Variants in S100A2 observed in about 807,000 individuals in gnomAD.
The protein encoded by S100A2 is protein S100-A2.
A neutral mutation model predicts 4.3 loss-of-function variants in S100A2; 5 were observed. That is an observed-to-expected ratio of 1.16 (90% CI 0.61 to 2.44). The LOEUF is 2.44. Ranked by LOEUF, S100A2 falls within the 30% of genes most tolerant of loss-of-function variation. The probability of loss-of-function intolerance (pLI) is 0.01; values close to 1 mark genes in which losing one functional copy is unlikely to be tolerated. For synonymous variants in S100A2, 44 were observed against 46.0 expected (o/e 0.96, Z 0.17); for missense variants, 103 against 114.7 (o/e 0.90, Z 0.47).
chr1:153,561,582 C>G lies in S100A2; in HGVS notation c.154G>C (p.Asp52His). The G allele has an allele frequency of 6.2e-7, 1 of 1,614,162 alleles. No individual in the cohort carries two copies. Among genetic ancestry groups the G allele is most frequent in the Non-Finnish European group, 8.5e-7 (1 of 1,180,024 alleles). Reference sequence around the variant, plus strand: ...ATCAGCTTCTTCAGCCCCTCCTCATCCACTTTCTCCTGAAAGTGACAGGAA... The same window carrying G: ...ATCAGCTTCTTCAGCCCCTCCTCATGCACTTTCTCCTGAAAGTGACAGGAA... ...ELPSFVGEKV[D>H]EEGLKKLMGS... Residue 52 changes from aspartate to histidine, a missense_variant, in exon 3 of 3, where the codon GAT (aspartate) becomes CAT (histidine). Coordinates refer to ENST00000368708, the MANE Select transcript of S100A2 (RefSeq NM_005978.4).
intron 1 of S100A2, 80 bp from the exon 2 acceptor site, chr1:153,563,967 A>C: frequency 6.9e-7 from 1 of 1,443,296 alleles, no homozygotes; most frequent in Non-Finnish European, 9.3e-7. Context: ...CTTCTGCCCT[A>C]TGCCCCCAAG....
At chr1:153,564,377 G>A (rs538907304) in intron 1 of S100A2, 1 of 152,798 alleles carries the variant, frequency 6.5e-6, no homozygotes, top group African/African-American at 2.4e-5. Context: ...CCTGAAGCCA[G>A]AGGCATCTCT....
At chr1:153,563,986 C>T in intron 1 of S100A2, 99 bp from the exon 2 acceptor site, 1 of 1,237,888 alleles carries the variant, frequency 8.1e-7, no homozygotes, top group Non-Finnish European at 1.1e-6. Flanking sequence ...AGCCACCTCA[C>T]AAAACCCCTC....
chr1:153,561,251 C>T lies in S100A2; in HGVS notation c.*188G>A. ...GGAGAGATTTCCAGGAGAGTCAGAGCCCAGAAGGGAGCAGGATCCAGGAGG... is the reference window on the plus strand; with the variant it reads ...GGAGAGATTTCCAGGAGAGTCAGAGTCCAGAAGGGAGCAGGATCCAGGAGG... On this transcript the variant is annotated 3_prime_UTR_variant, in exon 3 of 3. Coordinates refer to ENST00000368708, the MANE Select transcript of S100A2 (RefSeq NM_005978.4). The T allele has an allele frequency of 1.6e-6, 1 of 616,708 alleles. No homozygotes were observed. The highest frequency in any genetic ancestry group is 1.9e-5 in the African/African-American group (1 of 53,380). 38.2% of individuals were successfully genotyped at this position (616,708 alleles called of 1,614,324 possible).
chr1:153,561,344 A>G lies in S100A2; in HGVS notation c.*95T>C. 2.1e-6 allele frequency: 3 copies of G among 1,441,842 alleles called. No individual in the cohort carries two copies. Among genetic ancestry groups the G allele is most frequent in the Non-Finnish European group, 2.8e-6 (3 of 1,056,668 alleles). 89.3% of individuals were successfully genotyped at this position (1,441,842 alleles called of 1,614,324 possible). ...AACATCACTGAGCAATTAAAATATT[A>G]TCAACAGACAAAAAAAGTTTATTGA... On this transcript the variant is annotated 3_prime_UTR_variant, in exon 3 of 3. Coordinates refer to ENST00000368708, the MANE Select transcript of S100A2 (RefSeq NM_005978.4).
Position 153,563,790 on chromosome 1 carries a change from G to A in S100A2, c.88C>T (p.Leu30=). The A allele has an allele frequency of 6.2e-7, 1 of 1,614,206 alleles. No homozygotes were observed. The highest frequency in any genetic ancestry group is 1.7e-5 in the Admixed American group (1 of 60,022). Residue 30 remains leucine (L), a synonymous_variant, in exon 2 of 3, where the codon CTG becomes TTG. Transcript: ENST00000368708. The part of the protein sequence containing the change: ...YSCQEGDKFK[L]SKGEMKELLH... ...AGTTCCTTCATTTCCCCCTTACTCA[G>A]CTTGAACTTGTCGCCCTCTTGGCAG...
At chr1:153,561,948 G>A (rs1006833224) in intron 2 of S100A2, among the ~76,000 whole-genome samples, 2 of 152,226 alleles carry the variant, frequency 1.3e-5, no homozygotes, top group African/African-American at 2.4e-5. Flanking sequence ...CACCAGCCAG[G>A]TAGATTCAGA....
At chr1:153,565,256 G>C (rs187881077) in intron 1 of S100A2, among the ~76,000 whole-genome samples, 2 of 143,756 alleles carry the variant, frequency 1.4e-5, no homozygotes, top group Non-Finnish European at 3.0e-5. Context: ...AGTTTGCAGT[G>C]AGCTGAGATC....
At chr1:153,562,612 C>T (rs901005108) in intron 2 of S100A2, among the ~76,000 whole-genome samples, 2 of 152,164 alleles carry the variant, frequency 1.3e-5, no homozygotes, top group African/African-American at 2.4e-5. Context: ...AATTGAAGGT[C>T]GATGCATTTC....
At position 153,561,507 on chromosome 1, in the gene S100A2, C is replaced by G. The variant is rs1665893993; in HGVS notation, c.229G>C (p.Ala77Pro). Residue 77 changes from alanine (A) to proline (P), a missense_variant, in exon 3 of 3, where the codon GCT (alanine) becomes CCT (proline). Transcript: ENST00000368708. ...SDQQVDFQEY[A>P]VFLALITVMC... The stretch of plus-strand genomic sequence containing the variant: ...ACAGTGATGAGTGCCAGGAAAACAG[C>G]ATACTCCTGGAAGTCCACCTGCTGG... The G allele has an allele frequency of 1.2e-6, 2 of 1,614,184 alleles. No individual in the cohort carries two copies. Among genetic ancestry groups the G allele is most frequent in the Non-Finnish European group, 8.5e-7 (1 of 1,180,026 alleles).
At chr1:153,562,146 A>G (rs1379539261) in intron 2 of S100A2, among the ~76,000 whole-genome samples, 1 of 152,050 alleles carries the variant, frequency 6.6e-6, no homozygotes, top group Non-Finnish European at 1.5e-5. Flanking sequence ...TTTTTAGTAG[A>G]GACAAGGCCT....
chr1:153,562,508 A>T (rs1001574057), intron 2 of S100A2, among the ~76,000 whole-genome samples: 1 of 152,164 alleles, frequency 6.6e-6, no homozygotes. Context: ...AAACAAAATT[A>T]AAAAAAGGAA....
chr1:153,561,572 C>T lies in S100A2; in HGVS notation c.164G>A (p.Gly55Glu), dbSNP rs1208378423. The change falls in exon 3 of 3, where the codon GGG becomes GAG. Residue 55 changes from glycine (G) to glutamate (E), a missense_variant. Transcript: ENST00000368708. ...CAGGCTGCCCATCAGCTTCTTCAGCCCCTCCTCATCCACTTTCTCCTGAAA... is the reference window on the plus strand; with the variant it reads ...CAGGCTGCCCATCAGCTTCTTCAGCTCCTCCTCATCCACTTTCTCCTGAAA... ...SFVGEKVDEE[G>E]LKKLMGSLDE... 2 of 1,614,158 alleles carry T rather than the reference C, an allele frequency of 1.2e-6. No individual in the cohort carries two copies. Among genetic ancestry groups the T allele is most frequent in the Admixed American group, 1.7e-5 (1 of 60,030 alleles).
intron 2 of S100A2, among the ~76,000 whole-genome samples, chr1:153,562,354 G>A (rs910866898): frequency 6.6e-6 from 1 of 152,160 alleles, no homozygotes; most frequent in East Asian, 1.9e-4. Flanking sequence ...ATGTTGCCCA[G>A]GCTGGTCGAA....
Position 153,561,408 on chromosome 1 carries a change from A to C in S100A2, c.*31T>G. On this transcript the variant is annotated 3_prime_UTR_variant, in exon 3 of 3. Transcript: ENST00000368708. ...AGGCATCAACAGTCCTGGGCCCAAGAGATCCATGGCAGGAAGTCAAGAGTT... is the reference window on the plus strand; with the variant it reads ...AGGCATCAACAGTCCTGGGCCCAAGCGATCCATGGCAGGAAGTCAAGAGTT... 1 of 1,603,728 alleles carries C rather than the reference A, an allele frequency of 6.2e-7. No individual in the cohort carries two copies. Among genetic ancestry groups the C allele is most frequent in the Non-Finnish European group, 8.5e-7 (1 of 1,172,340 alleles).
intron 2 of S100A2, among the ~76,000 whole-genome samples, chr1:153,562,217 T>G (rs1280134423): frequency 1.3e-5 from 2 of 152,130 alleles, no homozygotes; most frequent in East Asian, 3.9e-4. Context: ...ACCCAGGCTG[T>G]ATTATAGCTC....
chr1:153,563,632 A>C (rs964927063), intron 2 of S100A2, 102 bp downstream of exon 2: 22 of 1,575,530 alleles, frequency 1.4e-5, no homozygotes, highest in Non-Finnish European at 1.9e-5. Flanking sequence ...GCTGGGCCCC[A>C]CCCTGGCACC....
At position 153,561,364 on chromosome 1, in the gene S100A2, T is replaced by C. The variant is rs75282796; in HGVS notation, c.*75A>G. 9,262 of 1,517,874 alleles carry C rather than the reference T, an allele frequency of 6.1e-3. 26 individuals carry two copies. The highest frequency in any genetic ancestry group is 7.2e-3 in the Non-Finnish European group (8,063 of 1,120,876). The allele number at this position is 1,517,874 out of a possible 1,614,324, so 94.0% of individuals were successfully genotyped here. A position where few individuals can be genotyped will look rare whatever the true frequency, so the allele number is the denominator to read the frequency against. ...ATATTATCAACAGACAAAAAAAGTT[T>C]ATTGAATACAAAACTCAAAGGCATC... On this transcript the variant is annotated 3_prime_UTR_variant, in exon 3 of 3. Transcript: ENST00000368708.
chr1:153,561,376 A>G lies in S100A2; in HGVS notation c.*63T>C. On this transcript the variant is annotated 3_prime_UTR_variant, in exon 3 of 3. Coordinates refer to ENST00000368708, the MANE Select transcript of S100A2 (RefSeq NM_005978.4). ...GACAAAAAAAGTTTATTGAATACAA[A>G]ACTCAAAGGCATCAACAGTCCTGGG... is the stretch of plus-strand genomic sequence containing the variant. 1 of 1,548,062 alleles carries G rather than the reference A, an allele frequency of 6.5e-7. No individual in the cohort carries two copies. Among genetic ancestry groups the G allele is most frequent in the South Asian group, 1.2e-5 (1 of 84,890 alleles).
Sources: allele counts gnomAD v4.1 joint callset (sites outside exome capture counted in the v4.1 genomes callset), GRCh38; gene constraint gnomAD v4.1.1; transcripts MANE v1.5; gene names NCBI Gene and HGNC (gene_info 2026-07-23, HGNC 2026-07-21).